The following CRISPLD1 variants were observed in gnomAD, a reference collection of about 807,000 sequenced individuals.
CRISPLD1 encodes the protein cysteine-rich secretory protein LCCL domain-containing 1.
A neutral mutation model predicts 77.5 loss-of-function variants in CRISPLD1; 60 were observed. The observed-to-expected ratio is 0.77, with a 90% CI of 0.63 to 0.96. The LOEUF is 0.96. Ranked by LOEUF, CRISPLD1 falls within the 40% of genes least tolerant of loss-of-function variation. The probability of loss-of-function intolerance (pLI) is 0.00; values close to 1 mark genes in which losing one functional copy is unlikely to be tolerated. For synonymous variants in CRISPLD1, 195 were observed against 200.1 expected, an observed-to-expected ratio of 0.97 and a Z score of 0.22; for missense variants, 623 against 615.8, an observed-to-expected ratio of 1.01 and a Z score of -0.12.
rs1813388614 is a variant in CRISPLD1 at position 75,033,443 on chromosome 8, G to A, written c.*1201G>A. 6.6e-6 allele frequency: 1 copy of A among 151,584 alleles called. No individual in the cohort carries two copies. The highest frequency in any genetic ancestry group is 2.1e-4 in the South Asian group (1 of 4,820). The allele number at this position is 151,584 out of a possible 1,614,324, so 9.4% of individuals were successfully genotyped here. ...TACAATACCAGATGTCTACAAAATC[G>A]ACCTGATTATTTAGGTATTTGTATG... On this transcript the variant is annotated 3_prime_UTR_variant, in exon 15 of 15. Coordinates refer to ENST00000262207, the MANE Select transcript of CRISPLD1 (RefSeq NM_031461.6).
At position 75,013,990 on chromosome 8, in the gene CRISPLD1, G is replaced by T. The variant is rs200705853; in HGVS notation, c.514G>T (p.Val172Leu). 1.2e-6 allele frequency: 2 copies of T among 1,608,800 alleles called. No homozygotes were observed. The highest frequency in any genetic ancestry group is 8.5e-7 in the Non-Finnish European group (1 of 1,175,680). Reference protein sequence around the residue: ...GPVCTHYTQVVWATSNRIGCA... With the variant: ...GPVCTHYTQVLWATSNRIGCA... ...GCCTTTCATTTTTCTAACATAGGTC[G>T]TGTGGGCAACTAGTAACAGAATCGG... Residue 172 changes from valine (V) to leucine (L), a missense_variant, in exon 5 of 15, where the codon GTG becomes TTG. Coordinates refer to ENST00000262207, the MANE Select transcript of CRISPLD1 (RefSeq NM_031461.6).
chr8:75,017,026 T>C, intron 8 of CRISPLD1, 21 bp from the exon 9 acceptor site: 3 of 1,604,202 alleles, frequency 1.9e-6, no homozygotes, highest in Non-Finnish European at 2.6e-6. Flanking sequence ...CTAAATTTTG[T>C]GCCCAATTAC....
At chr8:75,018,796 T>A (rs568249829) in intron 10 of CRISPLD1, among the ~76,000 whole-genome samples, 7 of 152,204 alleles carry the variant, frequency 4.6e-5, no homozygotes, top group African/African-American at 1.2e-4. Flanking sequence ...TTCATCAGGT[T>A]GGCGAGGCTG....
chr8:75,032,007 G>A (rs187831762), intron 14 of CRISPLD1, among the ~76,000 whole-genome samples, 184 bp from the exon 15 acceptor site: 1 of 152,022 alleles, frequency 6.6e-6, no homozygotes, highest in Non-Finnish European at 1.5e-5. Flanking sequence ...AGAACCAAGA[G>A]TTAAGAGTTA....
chr8:75,027,555 C>T lies in CRISPLD1; in HGVS notation c.1321-1832C>T, dbSNP rs186191491. ...ATCTTGAGATCATTTTATCTTTCTACCCTCAGTGAAATGGCTGCATAATAT... is the reference window on the plus strand; with the variant it reads ...ATCTTGAGATCATTTTATCTTTCTATCCTCAGTGAAATGGCTGCATAATAT... On this transcript the variant is annotated intron_variant, in intron 13 of 14. Transcript: ENST00000262207. Among the ~76,000 whole-genome samples, 215 of 152,208 alleles carry T rather than the reference C, an allele frequency of 1.4e-3. 1 individual carries two copies. The highest frequency in any genetic ancestry group is 0.014 in the Middle Eastern group (4 of 294).
chr8:75,014,608 A>G (rs1281070487), intron 5 of CRISPLD1, among the ~76,000 whole-genome samples: 1 of 152,180 alleles, frequency 6.6e-6, no homozygotes, highest in Non-Finnish European at 1.5e-5. Context: ...TATGTGTTAT[A>G]AATTACTTTG....
intron 2 of CRISPLD1, among the ~76,000 whole-genome samples, chr8:74,996,562 A>G (rs1812648262): frequency 6.6e-6 from 1 of 152,106 alleles, no homozygotes; most frequent in African/African-American, 2.4e-5. Flanking sequence ...GAGACCCATC[A>G]TTCTAGGCAG....
Position 75,020,011 on chromosome 8 carries a change from G to A in CRISPLD1, c.1176G>A (p.Gln392=). 1 of 1,614,080 alleles carries A rather than the reference G, an allele frequency of 6.2e-7. No homozygotes were observed. Among genetic ancestry groups the A allele is most frequent in the Non-Finnish European group, 8.5e-7 (1 of 1,179,972 alleles). The change falls in exon 12 of 15, where the codon CAG becomes CAA. Residue 392 remains glutamine (Q), a synonymous_variant. Transcript: ENST00000262207. Reference sequence around the variant, plus strand: ...TTTTGTGTTTTAATTCTTCAGTTCAGGCTGTGACTTGTGAAACAACTGTGG... The same window carrying A: ...TTTTGTGTTTTAATTCTTCAGTTCAAGCTGTGACTTGTGAAACAACTGTGG... The part of the protein sequence containing the change: ...NSFTVSKVTV[Q]AVTCETTVEQ...
rs1813037871 is a variant in CRISPLD1 at position 75,016,816 on chromosome 8, T to C, written c.869-65T>C. The C allele has an allele frequency of 2.6e-6, 4 of 1,520,780 alleles. No individual in the cohort carries two copies. In the Admixed American group the frequency reaches 7.9e-5, roughly 30 times the overall value. 94.2% of individuals were successfully genotyped at this position (1,520,780 alleles called of 1,614,324 possible). On this transcript the variant is annotated intron_variant, in intron 7 of 14. Coordinates refer to ENST00000262207, the MANE Select transcript of CRISPLD1 (RefSeq NM_031461.6). ...AATGGAAAAAATTTTGTCATTAGGC[T>C]ATATATAATGAACTACAACTGCTTT...
intron 4 of CRISPLD1, among the ~76,000 whole-genome samples, chr8:75,013,257 A>G (rs556446919): frequency 1.4e-4 from 21 of 152,230 alleles, no homozygotes; most frequent in African/African-American, 4.6e-4. Context: ...TTGCATATCA[A>G]ACATTTTTAA....
At chr8:75,012,788 CAA>C (rs1218226855) in intron 3 of CRISPLD1, 100 bp from the exon 4 acceptor site, 1 of 1,340,184 alleles carries the variant, frequency 7.5e-7, no homozygotes, top group African/African-American at 1.5e-5. Flanking sequence ...TAGTTTACGC[CAA>C]AGTGTCTTTC....
intron 12 of CRISPLD1, among the ~76,000 whole-genome samples, chr8:75,022,752 G>GA (rs1459348570): frequency 1.3e-5 from 2 of 151,850 alleles, no homozygotes; most frequent in Admixed American, 1.3e-4. Context: ...CTATTCTGGA[G>GA]AAAAAATGAC....
chr8:75,008,909 C>T (rs1213425513), intron 2 of CRISPLD1, among the ~76,000 whole-genome samples: 3 of 151,934 alleles, frequency 2.0e-5, no homozygotes, highest in South Asian at 2.1e-4. Flanking sequence ...CGTTTTATTC[C>T]GATTTCTATA....
chr8:75,030,236 CAT>C (rs1248474545), intron 14 of CRISPLD1, among the ~76,000 whole-genome samples: 4 of 152,144 alleles, frequency 2.6e-5, no homozygotes, highest in Non-Finnish European at 4.4e-5. Context: ...AGAACACACA[CAT>C]GTACACCAAA....
intron 12 of CRISPLD1, among the ~76,000 whole-genome samples, chr8:75,022,240 T>C (rs569401202): frequency 2.0e-5 from 3 of 151,718 alleles, no homozygotes; most frequent in African/African-American, 7.2e-5. Context: ...GCTTCTCCCT[T>C]TTTTTTTATT....
chr8:75,027,518 G>T (rs950909616), intron 13 of CRISPLD1, among the ~76,000 whole-genome samples: 1 of 152,146 alleles, frequency 6.6e-6, no homozygotes, highest in African/African-American at 2.4e-5. Flanking sequence ...TTAAGGTTTT[G>T]TTGGAACTCA....
In CRISPLD1 at chr8:75,019,096, A is replaced by G. The variant is rs183246819; in HGVS notation, c.1128-774A>G. Reference sequence around the variant, plus strand: ...GAAATTCTCTTGAAACTTGAAGGCTATATTTAATAGATTGTATATTTTATG... The same window carrying G: ...GAAATTCTCTTGAAACTTGAAGGCTGTATTTAATAGATTGTATATTTTATG... On this transcript the variant is annotated intron_variant, in intron 10 of 14. Coordinates refer to ENST00000262207, the MANE Select transcript of CRISPLD1 (RefSeq NM_031461.6). Among the ~76,000 whole-genome samples the G allele has an allele frequency of 9.8e-4, 150 of 152,308 alleles. 1 individual carries two copies. Among genetic ancestry groups the G allele is most frequent in the Non-Finnish European group, 5.9e-5 (4 of 68,020 alleles).
chr8:74,992,335 TA>T (rs1812584901), intron 2 of CRISPLD1, among the ~76,000 whole-genome samples: 1 of 151,552 alleles, frequency 6.6e-6, no homozygotes, highest in African/African-American at 2.4e-5. Context: ...CATGAGCTGC[TA>T]AAAATTGTCC....
chr8:75,017,468 C>A lies in CRISPLD1; in HGVS notation c.1127+18C>A. The stretch of plus-strand genomic sequence containing the variant: ...ACAATTGGGTAAGTACCAAAATAAT[C>A]TTTTGGACCAGATAATTTTAAATTG... On this transcript the variant is annotated intron_variant, in intron 10 of 14. Coordinates refer to ENST00000262207, the MANE Select transcript of CRISPLD1 (RefSeq NM_031461.6). 1 of 1,571,328 alleles carries A rather than the reference C, an allele frequency of 6.4e-7. No homozygotes were observed. Among genetic ancestry groups the A allele is most frequent in the Non-Finnish European group, 8.6e-7 (1 of 1,163,044 alleles).
Sources: allele counts gnomAD v4.1 joint callset (sites outside exome capture counted in the v4.1 genomes callset), GRCh38; gene constraint gnomAD v4.1.1; transcripts MANE v1.5; gene names NCBI Gene and HGNC (gene_info 2026-07-23, HGNC 2026-07-21).